The following FSIP1 variants were observed in gnomAD, a reference collection of about 807,000 sequenced individuals.
FSIP1 encodes the protein fibrous sheath-interacting protein 1.
FSIP1 carries 65 observed loss-of-function variants against 60.9 expected under a neutral mutation model. The observed-to-expected ratio is 1.07, with a 90% CI of 0.87 to 1.31. The LOEUF is 1.31. Ranked by LOEUF, FSIP1 falls within the 40% of genes most tolerant of loss-of-function variation. The pLI is 0.00. For missense variants in FSIP1, 675 were observed against 665.5 expected, an observed-to-expected ratio of 1.01 and a Z score of -0.16; for synonymous variants, 209 against 221.2, an observed-to-expected ratio of 0.94 and a Z score of 0.49.
At position 39,692,313 on chromosome 15, in the gene FSIP1, A is replaced by G. The variant is rs140053937; in HGVS notation, c.1188+21131T>C. 4.9e-4 allele frequency among the ~76,000 whole-genome samples: 74 copies of G among 152,340 alleles called. 1 individual carries two copies. The highest frequency in any genetic ancestry group is 1.7e-3 in the African/African-American group (72 of 41,574). On this transcript the variant is annotated intron_variant, in intron 10 of 11. Transcript: ENST00000350221. ...TAGCTTATGTGTGAAATGCTTTGCA[A>G]CTATAAACGATTATTCACCTGCATT...
intron 10 of FSIP1, among the ~76,000 whole-genome samples, chr15:39,654,788 C>T (rs1266918718): frequency 1.3e-5 from 2 of 152,156 alleles, no homozygotes; most frequent in East Asian, 1.9e-4. Context: ...AAACAGGAAA[C>T]AAAATTCTGC....
chr15:39,761,794 A>G (rs753374611), intron 5 of FSIP1, among the ~76,000 whole-genome samples: 1 of 152,246 alleles, frequency 6.6e-6, no homozygotes, highest in Non-Finnish European at 1.5e-5. Context: ...TAATTATTCT[A>G]TATTGTATTC....
intron 10 of FSIP1, among the ~76,000 whole-genome samples, chr15:39,650,068 A>T (rs1892804228): frequency 6.6e-6 from 1 of 152,222 alleles, no homozygotes; most frequent in Non-Finnish European, 1.5e-5. Context: ...AGCATTCGCA[A>T]CCTGAACTCA....
chr15:39,616,287 C>T (rs1595534387), intron 11 of FSIP1, among the ~76,000 whole-genome samples: 2 of 152,262 alleles, frequency 1.3e-5, no homozygotes, highest in Middle Eastern at 6.8e-3. Flanking sequence ...ATTTATTAAA[C>T]AGGCACTTGG....
chr15:39,649,749 C>G (rs532720772), intron 10 of FSIP1, among the ~76,000 whole-genome samples: 1 of 152,336 alleles, frequency 6.6e-6, no homozygotes, highest in African/African-American at 2.4e-5. Context: ...CGGATCAAGT[C>G]CTGAACACTC....
At chr15:39,612,821 G>A (rs1020237293) in intron 11 of FSIP1, among the ~76,000 whole-genome samples, 4 of 152,024 alleles carry the variant, frequency 2.6e-5, no homozygotes, top group Non-Finnish European at 4.4e-5. Flanking sequence ...CATGTAATGG[G>A]AAGATAATGA....
rs374537122 is a variant in FSIP1, at chr15:39,644,340, T to C, written c.1189-26095A>G. On this transcript the variant is annotated intron_variant, in intron 10 of 11. Transcript: ENST00000350221. ...CTTGAGCATTTAAAACGGCTGTTCC[T>C]GAGGTGATTAATGACTGCAAATGAG... 3.3e-4 allele frequency among the ~76,000 whole-genome samples: 51 copies of C among 152,276 alleles called. No homozygotes were observed. In the East Asian group the frequency reaches 8.3e-3, roughly 25 times the overall value.
At position 39,780,788 on chromosome 15, in the gene FSIP1, A is replaced by T. The variant is rs1476368639; in HGVS notation, c.-8+1840T>A. On this transcript the variant is annotated intron_variant, in intron 1 of 11. Transcript: ENST00000350221. ...ATTTGTAGTAAAGACAGGTTTCACT[A>T]TGTTGGCCAGGCTGGTCTCGAACCC... Among the ~76,000 whole-genome samples the T allele has an allele frequency of 2.0e-5, 3 of 152,216 alleles. No individual in the cohort carries two copies. In the East Asian group the frequency reaches 5.8e-4, roughly 29 times the overall value.
At chr15:39,625,191 T>G (rs1158943867) in intron 10 of FSIP1, among the ~76,000 whole-genome samples, 1 of 152,170 alleles carries the variant, frequency 6.6e-6, no homozygotes, top group East Asian at 1.9e-4. Context: ...CTGGGCATTC[T>G]GTGATGGCTC....
At chr15:39,618,788 A>AT (rs537828038) in intron 10 of FSIP1, among the ~76,000 whole-genome samples, 2 of 152,008 alleles carry the variant, frequency 1.3e-5, no homozygotes, top group African/African-American at 2.4e-5. Flanking sequence ...ATTTAAAAAC[A>AT]TTTTTTTTCT....
intron 10 of FSIP1, among the ~76,000 whole-genome samples, chr15:39,673,621 CACAT>C (rs1352055959): frequency 5.3e-5 from 8 of 152,180 alleles, no homozygotes; most frequent in African/African-American, 1.9e-4. Flanking sequence ...TGGCTCGTAA[CACAT>C]ACATTTATCT....
chr15:39,678,096 A>G (rs915017926), intron 10 of FSIP1, among the ~76,000 whole-genome samples: 5 of 152,128 alleles, frequency 3.3e-5, no homozygotes, highest in Admixed American at 2.0e-4. Flanking sequence ...ATATACACCT[A>G]GATTCTAATG....
intron 10 of FSIP1, among the ~76,000 whole-genome samples, chr15:39,695,875 T>G (rs1289411295): frequency 2.6e-5 from 4 of 152,230 alleles, no homozygotes; most frequent in Non-Finnish European, 4.4e-5. Flanking sequence ...TTCCTCTATG[T>G]TTTTAATTGT....
chr15:39,716,514 TAATC>T (rs980967050), intron 9 of FSIP1, among the ~76,000 whole-genome samples: 3 of 152,134 alleles, frequency 2.0e-5, no homozygotes, highest in Admixed American at 6.5e-5. Flanking sequence ...ATAATAAAAA[TAATC>T]AAATAGACAA....
At chr15:39,598,849 T>A (rs1890543164), downstream of FSIP1, 1 of 152,124 alleles carries the variant, frequency 6.6e-6, no homozygotes, top group African/African-American at 2.4e-5. Flanking sequence ...GAGTCACATG[T>A]AGAAAAGCCT....
chr15:39,668,469 T>C (rs1474662118), intron 10 of FSIP1, among the ~76,000 whole-genome samples: 1 of 152,212 alleles, frequency 6.6e-6, no homozygotes, highest in Non-Finnish European at 1.5e-5. Flanking sequence ...TGTCTTCAAG[T>C]TGAAATTTTC....
chr15:39,698,470 C>A (rs1224517645), intron 10 of FSIP1, among the ~76,000 whole-genome samples: 2 of 152,124 alleles, frequency 1.3e-5, no homozygotes, highest in African/African-American at 4.8e-5. Context: ...AGTGGCATTA[C>A]TCAAGAGATT....
In FSIP1 at chr15:39,617,977, TTAG is replaced by T; in HGVS notation, c.1454_1456del (p.Thr485del). ...TGACATGTTATGTCCAGTCAAGGCTTTAGTGAGATAGTAGCCTTTAGAAGCTTC... is the reference window on the plus strand; with the variant it reads ...TGACATGTTATGTCCAGTCAAGGCTTTGAGATAGTAGCCTTTAGAAGCTTC... On this transcript the variant is annotated inframe_deletion, in exon 11 of 12. Coordinates refer to ENST00000350221, the MANE Select transcript of FSIP1 (RefSeq NM_152597.5). 1 of 1,614,216 alleles carries T rather than the reference TTAG, an allele frequency of 6.2e-7. No individual in the cohort carries two copies. Among genetic ancestry groups the T allele is most frequent in the Non-Finnish European group, 8.5e-7 (1 of 1,180,030 alleles).
intron 10 of FSIP1, among the ~76,000 whole-genome samples, chr15:39,628,635 T>C (rs1367902189): frequency 6.6e-6 from 1 of 152,212 alleles, no homozygotes; most frequent in South Asian, 2.1e-4. Flanking sequence ...TCAAGTTAAG[T>C]GTTCCTTCAG....
Sources: gnomAD v4.1 joint callset for allele counts (sites outside exome capture counted in the v4.1 genomes callset) on GRCh38, gnomAD v4.1.1 for gene constraint, MANE v1.5 for transcripts, NCBI Gene and HGNC (gene_info 2026-07-23, HGNC 2026-07-21) for gene names.